PFKFB2: variants seen among roughly 807,000 people sequenced by gnomAD.
The protein encoded by PFKFB2 is 6-phosphofructo-2-kinase/fructose-2,6-bisphosphatase 2.
In PFKFB2, 53 loss-of-function variants were observed where a neutral mutation model predicts 68.0. The observed-to-expected ratio is 0.78, with a 90% CI of 0.63 to 0.98. The LOEUF (loss-of-function observed/expected upper bound fraction) is 0.98, where lower values mean the gene tolerates loss of function less well. PFKFB2 is among the 50% of genes least tolerant of loss of function. The pLI is 0.00. For missense variants in PFKFB2, 451 were observed against 642.0 expected, an observed-to-expected ratio of 0.70 and a Z score of 3.22; for synonymous variants, 222 against 227.6, an observed-to-expected ratio of 0.98 and a Z score of 0.22.
Position 207,072,514 on chromosome 1 carries a change from A to G in PFKFB2, c.*143A>G. ...CTGACACTTCACCATTAATCTTAAC[A>G]CAGAACATGAGGTTATGTGTTTATA... On this transcript the variant is annotated 3_prime_UTR_variant, in exon 15 of 15. Coordinates refer to ENST00000367080, the MANE Select transcript of PFKFB2 (RefSeq NM_006212.2). 7.0e-7 allele frequency: 1 copy of G among 1,438,720 alleles called. No individual in the cohort carries two copies. Among genetic ancestry groups the G allele is most frequent in the Non-Finnish European group, 9.1e-7 (1 of 1,096,310 alleles). The allele number at this position is 1,438,720 out of a possible 1,614,324, so 89.1% of individuals were successfully genotyped here. A position where few individuals can be genotyped will look rare whatever the true frequency, so the allele number is the denominator to read the frequency against.
At position 207,076,335 on chromosome 1, in the gene PFKFB2, A is replaced by C. The variant is rs1396075856; in HGVS notation, c.*3964A>C. Reference sequence around the variant, plus strand: ...GGAGTGGCCAATGGGCACGGGAAAAAGTATCCAGTAATCAGAAGAATTGTA... The same window carrying C: ...GGAGTGGCCAATGGGCACGGGAAAACGTATCCAGTAATCAGAAGAATTGTA... On this transcript the variant is annotated 3_prime_UTR_variant, in exon 15 of 15. Transcript: ENST00000367080. The C allele has an allele frequency of 2.0e-6, 2 of 984,790 alleles. No individual in the cohort carries two copies. 61.0% of individuals were successfully genotyped at this position (984,790 alleles called of 1,614,324 possible).
chr1:207,053,948 G>C (rs1385382911), intron 1 of PFKFB2, among the ~76,000 whole-genome samples: 1 of 136,790 alleles, frequency 7.3e-6, no homozygotes, highest in Non-Finnish European at 1.5e-5. Flanking sequence ...TCTGTCGCTA[G>C]GCTGGAGTGC....
chr1:207,049,131 A>G, upstream of PFKFB2: 1 of 1,614,084 alleles, frequency 6.2e-7, no homozygotes, highest in Non-Finnish European at 8.5e-7. Context: ...AGCGGTTGAC[A>G]TCAGTAAACT....
chr1:207,038,125 A>C (rs1226698193), intron 1 of PFKFB2, among the ~76,000 whole-genome samples: 2 of 152,200 alleles, frequency 1.3e-5, no homozygotes, highest in African/African-American at 4.8e-5. Context: ...AAATGCTTGA[A>C]TATCCTCCCA....
intron 2 of PFKFB2, chr1:207,043,780 A>T (rs1483207241): frequency 4.6e-5 from 7 of 152,650 alleles, no homozygotes; most frequent in Non-Finnish European, 7.3e-5. Flanking sequence ...AGCTTTTGAT[A>T]ATATGTATAT....
chr1:207,064,201 C>T (rs1365516423), intron 7 of PFKFB2, among the ~76,000 whole-genome samples: 2 of 152,028 alleles, frequency 1.3e-5, no homozygotes, highest in Admixed American at 6.5e-5. Context: ...AGGCTCAGCA[C>T]TTTGGGAGGC....
chr1:207,052,088 G>C (rs570322617), upstream of PFKFB2: 12 of 1,013,020 alleles, frequency 1.2e-5, no homozygotes, highest in East Asian at 2.6e-4. Context: ...CCGGGATTCA[G>C]ACAGCAAGTC....
At chr1:207,049,241 G>A, upstream of PFKFB2, 1 of 1,614,048 alleles carries the variant, frequency 6.2e-7, no homozygotes, top group East Asian at 2.2e-5. Context: ...TCTGGATCAG[G>A]GAAGTTACGC....
intron 9 of PFKFB2, 24 bp downstream of exon 9, chr1:207,067,730 G>A (rs1428219449): frequency 2.5e-6 from 4 of 1,568,750 alleles, no homozygotes; most frequent in Non-Finnish European, 3.5e-6. Flanking sequence ...CAGCACACTG[G>A]ATTTTCTAGG....
chr1:207,061,949 C>T lies in PFKFB2; in HGVS notation c.86-4C>T, dbSNP rs764267197. On this transcript the variant is annotated splice_polypyrimidine_tract_variant and splice_region_variant and intron_variant, in intron 2 of 14. Coordinates refer to ENST00000367080, the MANE Select transcript of PFKFB2 (RefSeq NM_006212.2). ...TCGTTTTATTTTGTTTCATTTCCTT[C>T]TAGCATGGGCCTCCTACATGACCAA... is the stretch of plus-strand genomic sequence containing the variant. 28 of 1,613,396 alleles carry T rather than the reference C, an allele frequency of 1.7e-5. No homozygotes were observed. Among genetic ancestry groups the T allele is most frequent in the South Asian group, 5.5e-5 (5 of 91,084 alleles).
In PFKFB2 at chr1:207,063,827, C is replaced by T; in HGVS notation, c.505C>T (p.Leu169=). The T allele has an allele frequency of 6.2e-7, 1 of 1,611,904 alleles. No individual in the cohort carries two copies. The highest frequency in any genetic ancestry group is 8.5e-7 in the Non-Finnish European group (1 of 1,178,360). ...TCCTGATGTCATTGCTGCCAATATT[C>T]TGGTTGGTGACACCCCTACATATCA... is the stretch of plus-strand genomic sequence containing the variant. ...DDPDVIAANI[L]EVKVSSPDYP... is the part of the protein sequence containing the mutation. The change falls in exon 7 of 15, where the codon CTG becomes TTG. Residue 169 remains leucine, a splice_region_variant and synonymous_variant. Coordinates refer to ENST00000367080, the MANE Select transcript of PFKFB2 (RefSeq NM_006212.2). The surrounding 1 kb of genome is among the most constrained non-coding windows in gnomAD (Gnocchi z 4.1).
At chr1:207,064,498 G>A (rs1395200690) in intron 7 of PFKFB2, among the ~76,000 whole-genome samples, 2 of 152,068 alleles carry the variant, frequency 1.3e-5, no homozygotes, top group Non-Finnish European at 2.9e-5. Flanking sequence ...CAAAGTTCTC[G>A]TCAGTGTTCT....
intron 2 of PFKFB2, chr1:207,046,936 T>G (rs960145030): frequency 6.6e-6 from 1 of 152,024 alleles, no homozygotes; most frequent in African/African-American, 2.4e-5. Flanking sequence ...AGTAAGCAAA[T>G]GTCAACTCTG....
At chr1:207,040,272 C>A (rs760861780) in intron 1 of PFKFB2, among the ~76,000 whole-genome samples, 2 of 152,184 alleles carry the variant, frequency 1.3e-5, no homozygotes, top group Non-Finnish European at 2.9e-5. Context: ...CGGCTTATTG[C>A]AGTGATTCAA....
Position 207,076,050 on chromosome 1 carries a change from G to T in PFKFB2, c.*3679G>T, listed in dbSNP as rs1034496102. The T allele has an allele frequency of 3.3e-5, 33 of 985,210 alleles. No individual in the cohort carries two copies. The highest frequency in any genetic ancestry group is 4.0e-5 in the Non-Finnish European group (33 of 829,858). The allele number at this position is 985,210 out of a possible 1,614,324, so 61.0% of individuals were successfully genotyped here. A position where few individuals can be genotyped will look rare whatever the true frequency, so the allele number is the denominator to read the frequency against. On this transcript the variant is annotated 3_prime_UTR_variant, in exon 15 of 15. Transcript: ENST00000367080. ...TTGCCTCTGGTGTTTCGTTGTTGTT[G>T]TTATTGTTTGTTTGTTTCCAAAGAA...
At chr1:207,061,165 T>TTATATA (rs201702529) in intron 2 of PFKFB2, among the ~76,000 whole-genome samples, 1,207 of 44,664 alleles carry the variant, frequency 0.027, 26 homozygotes, top group Middle Eastern at 0.062. Flanking sequence ...ATATATATCT[T>TTATATA]TATATATATA....
At chr1:207,040,409 C>T (rs1030978546) in intron 1 of PFKFB2, among the ~76,000 whole-genome samples, 3 of 152,146 alleles carry the variant, frequency 2.0e-5, no homozygotes. Context: ...GATCAGAAAA[C>T]TTCACTTCGT....
At chr1:207,052,298 A>G (rs1410942742), upstream of PFKFB2, 6 of 1,392,790 alleles carry the variant, frequency 4.3e-6, no homozygotes, top group African/African-American at 8.5e-5. Flanking sequence ...TTGGTTCTTC[A>G]AGACGACTGC....
chr1:207,072,139 T>G (rs1683483048), intron 14 of PFKFB2, 65 bp from the exon 15 acceptor site: 18 of 1,582,092 alleles, frequency 1.1e-5, no homozygotes, highest in Non-Finnish European at 1.5e-5. Context: ...AGCGCATTAT[T>G]AACCTGTATG....
Sources: gnomAD v4.1 joint callset for allele counts (sites outside exome capture counted in the v4.1 genomes callset) on GRCh38, gnomAD v4.1.1 for gene constraint, Gnocchi (gnomAD v3.1) non-coding constraint, MANE v1.5 for transcripts, NCBI Gene and HGNC (gene_info 2026-07-23, HGNC 2026-07-21) for gene names.